The following RHCG variants were observed in gnomAD, a reference collection of about 807,000 sequenced individuals.
RHCG encodes the protein Rh family C glycoprotein.
Under a neutral mutation model 55.3 loss-of-function variants are expected in RHCG, and 39 were observed. That is an observed-to-expected ratio of 0.70 (90% CI 0.55 to 0.92). The LOEUF is 0.92. RHCG is among the 40% of genes least tolerant of loss of function. The pLI, the probability that RHCG is intolerant of heterozygous loss-of-function variation, is 0.00. For synonymous variants in RHCG, 250 were observed against 246.8 expected, an observed-to-expected ratio of 1.01 and a Z score of -0.12; for missense variants, 635 against 627.9, an observed-to-expected ratio of 1.01 and a Z score of -0.12.
chr15:89,476,926 G>C, intron 8 of RHCG, 98 bp from the exon 9 acceptor site: 2 of 1,538,300 alleles, frequency 1.3e-6, no homozygotes, highest in Non-Finnish European at 1.8e-6. Flanking sequence ...GGGGCCCTTG[G>C]GCTGAGTTCC....
intron 1 of RHCG, among the ~76,000 whole-genome samples, chr15:89,495,822 G>C (rs1961555357): frequency 6.6e-6 from 1 of 152,244 alleles, no homozygotes; most frequent in South Asian, 2.1e-4. Context: ...GAGCATGAGA[G>C]AAAGGGAGGT....
Position 89,477,834 on chromosome 15 carries a change from T to A in RHCG, c.975+3A>T, listed in dbSNP as rs758769984. 2.5e-6 allele frequency: 4 copies of A among 1,613,948 alleles called. No individual in the cohort carries two copies. The highest frequency in any genetic ancestry group is 3.4e-6 in the Non-Finnish European group (4 of 1,179,980). Reference sequence around the variant, plus strand: ...CCCCCAGCCCCTTGCCTGGGGCACTTACGGTCAGGTATACAAAACCCAGGG... The same window carrying A: ...CCCCCAGCCCCTTGCCTGGGGCACTAACGGTCAGGTATACAAAACCCAGGG... On this transcript the variant is annotated splice_donor_region_variant and intron_variant, in intron 6 of 10. Coordinates refer to ENST00000268122, the MANE Select transcript of RHCG (RefSeq NM_016321.3). The surrounding 1 kb of genome is among the most constrained non-coding windows in gnomAD (Gnocchi z 4.5).
intron 5 of RHCG, 86 bp downstream of exon 5, chr15:89,479,236 C>T: frequency 7.3e-7 from 1 of 1,372,994 alleles, no homozygotes; most frequent in Non-Finnish European, 9.8e-7. Context: ...TGTGATGATC[C>T]CCTCAGAGGT....
intron 2 of RHCG, 112 bp from the exon 3 acceptor site, chr15:89,483,329 T>G: frequency 1.0e-6 from 1 of 984,298 alleles, no homozygotes; most frequent in Admixed American, 2.9e-5. Flanking sequence ...CTTTCTGAGC[T>G]TCAGTTTCAT....
At chr15:89,474,937 C>T (rs1354389906) in intron 9 of RHCG, among the ~76,000 whole-genome samples, 2 of 137,034 alleles carry the variant, frequency 1.5e-5, no homozygotes, top group African/African-American at 6.7e-5. Context: ...TGCCTTCCTG[C>T]CTTCCTGCCT....
rs751495912 is a variant in RHCG at position 89,479,356 on chromosome 15, G to T, written c.803C>A (p.Ser268Tyr). Reference protein sequence around the residue: ...AACVLTSVAISSALHKKGKLD... With the variant: ...AACVLTSVAIYSALHKKGKLD... ...CTTGCCCTTCTTGTGCAGGGCACTGGATATTGCCACCGAGGTAAGCACGCA... is the reference window on the plus strand; with the variant it reads ...CTTGCCCTTCTTGTGCAGGGCACTGTATATTGCCACCGAGGTAAGCACGCA... The change falls in exon 5 of 11, where the codon TCC becomes TAC. Residue 268 changes from serine (S) to tyrosine (Y), a missense_variant. By Grantham distance (144) the Ser-to-Tyr change is moderately radical (BLOSUM62 -2). Transcript: ENST00000268122. 1 of 1,614,140 alleles carries T rather than the reference G, an allele frequency of 6.2e-7. No individual in the cohort carries two copies. The highest frequency in any genetic ancestry group is 1.7e-5 in the Admixed American group (1 of 60,020).
Position 89,478,456 on chromosome 15 carries a change from A to G in RHCG, c.838-482T>C, listed in dbSNP as rs1228122189. On this transcript the variant is annotated intron_variant, in intron 5 of 10. Coordinates refer to ENST00000268122, the MANE Select transcript of RHCG (RefSeq NM_016321.3). ...AGGGGTTAGCGCTTTCCATCTCTAC[A>G]ACAAGTCTGCAAGGTGAGGACAGTT... Among the ~76,000 whole-genome samples the G allele has an allele frequency of 3.9e-5, 6 of 152,176 alleles. No individual in the cohort carries two copies. The South Asian group carries it at 1.2e-3, about 32-fold the overall frequency.
At chr15:89,481,790 T>G (rs554456720) in intron 3 of RHCG, among the ~76,000 whole-genome samples, 10 of 150,284 alleles carry the variant, frequency 6.7e-5, no homozygotes, top group African/African-American at 1.5e-4. Flanking sequence ...TATTTATTTG[T>G]TTTTTTTTGT....
In RHCG at chr15:89,479,384, C is replaced by T; in HGVS notation, c.775G>A (p.Ala259Thr). ...AAINTYCSLAACVLTSVAISS... is the reference protein window; with the variant it reads ...AAINTYCSLATCVLTSVAISS... ...ATTGCCACCGAGGTAAGCACGCAGGCTGCCAAGGAGCAGTAGGTGTTGATG... is the reference window on the plus strand; with the variant it reads ...ATTGCCACCGAGGTAAGCACGCAGGTTGCCAAGGAGCAGTAGGTGTTGATG... The change falls in exon 5 of 11, where the codon GCC becomes ACC. Residue 259 changes from alanine (A) to threonine (T), a missense_variant. Transcript: ENST00000268122. 1 of 1,614,208 alleles carries T rather than the reference C, an allele frequency of 6.2e-7. No individual in the cohort carries two copies. Among genetic ancestry groups the T allele is most frequent in the South Asian group, 1.1e-5 (1 of 91,088 alleles).
chr15:89,496,473 A>T lies in RHCG; in HGVS notation c.72T>A (p.Ile24=). ...CGTAGCGCACGAACACCCCGAAGAG[A>T]ATCACCATAATCACCTGCAGGAGCA... ...TCLLLQVIMV[I]LFGVFVRYDF... Residue 24 remains isoleucine, a synonymous_variant, in exon 1 of 11, where the codon ATT becomes ATA. Transcript: ENST00000268122. 1 of 1,613,930 alleles carries T rather than the reference A, an allele frequency of 6.2e-7. No individual in the cohort carries two copies. The highest frequency in any genetic ancestry group is 8.5e-7 in the Non-Finnish European group (1 of 1,179,948).
chr15:89,473,948 A>G (rs948347695), intron 9 of RHCG, among the ~76,000 whole-genome samples: 1 of 152,258 alleles, frequency 6.6e-6, no homozygotes, highest in African/African-American at 2.4e-5. Context: ...TCGTTAGCGT[A>G]AAATCTGTTG....
chr15:89,486,164 A>G (rs2141897401), intron 2 of RHCG: 1 of 428,836 alleles, frequency 2.3e-6, no homozygotes, highest in East Asian at 7.1e-5. Context: ...AGGAGGGGGC[A>G]GGGCTTCAGC....
At chr15:89,472,930 G>C in intron 9 of RHCG, 67 bp from the exon 10 acceptor site, 4 of 1,386,018 alleles carry the variant, frequency 2.9e-6, no homozygotes, top group Non-Finnish European at 3.8e-6. Context: ...CTGGTGACTA[G>C]AACCTGGAGC....
At chr15:89,474,332 G>T (rs1299798025) in intron 9 of RHCG, among the ~76,000 whole-genome samples, 1 of 152,190 alleles carries the variant, frequency 6.6e-6, no homozygotes, top group Non-Finnish European at 1.5e-5. Context: ...TGTGCATGAA[G>T]TTACCTTATA....
At chr15:89,473,642 CA>C (rs888604188) in intron 9 of RHCG, among the ~76,000 whole-genome samples, 5 of 152,006 alleles carry the variant, frequency 3.3e-5, no homozygotes, top group African/African-American at 1.2e-4. Flanking sequence ...ATAATAAAAA[CA>C]AAAAACAATA....
At chr15:89,484,257 G>T (rs867093888) in intron 2 of RHCG, among the ~76,000 whole-genome samples, 1 of 152,314 alleles carries the variant, frequency 6.6e-6, no homozygotes. Flanking sequence ...CCAGGGCCTA[G>T]TGCAGGGCCT....
intron 3 of RHCG, 141 bp from the exon 4 acceptor site, chr15:89,480,549 T>G: frequency 1.0e-6 from 1 of 959,862 alleles, no homozygotes. Context: ...CCTGGGGCCT[T>G]CACGGACCAA....
intron 9 of RHCG, among the ~76,000 whole-genome samples, 172 bp downstream of exon 9, chr15:89,476,583 G>A (rs1961153203): frequency 1.3e-5 from 2 of 152,148 alleles, no homozygotes; most frequent in Non-Finnish European, 2.9e-5. Context: ...CTAGAGGGAA[G>A]AGTCTTCAAC....
chr15:89,482,129 G>T (rs1961279447), intron 3 of RHCG, among the ~76,000 whole-genome samples: 1 of 152,056 alleles, frequency 6.6e-6, no homozygotes, highest in Non-Finnish European at 1.5e-5. Context: ...TAGAGACGGG[G>T]TTTCTCCATG....
Sources: gnomAD v4.1 joint callset for allele counts (sites outside exome capture counted in the v4.1 genomes callset) on GRCh38, gnomAD v4.1.1 for gene constraint, Gnocchi (gnomAD v3.1) non-coding constraint, MANE v1.5 for transcripts, NCBI Gene and HGNC (gene_info 2026-07-23, HGNC 2026-07-21) for gene names.